NOTUM: variants seen among roughly 807,000 people sequenced by gnomAD.
The protein encoded by NOTUM is palmitoleoyl-protein carboxylesterase NOTUM.
A neutral mutation model predicts 65.5 loss-of-function variants in NOTUM; 36 were observed. The ratio of observed to expected loss-of-function variants is 0.55; its 90% CI spans 0.42 to 0.73. The LOEUF (loss-of-function observed/expected upper bound fraction) is 0.73, where lower values mean the gene tolerates loss of function less well. NOTUM is among the 30% of genes least tolerant of loss of function. NOTUM has a pLI of 0.00. For synonymous variants in NOTUM, 356 were observed against 297.9 expected, an observed-to-expected ratio of 1.20 and a Z score of -2.01; for missense variants, 659 against 694.2, an observed-to-expected ratio of 0.95 and a Z score of 0.57.
rs2041465014 is a variant in NOTUM at position 81,960,315 on chromosome 17, C to T, written c.323+272G>A. Among the ~76,000 whole-genome samples, 1 of 152,220 alleles carries T rather than the reference C, an allele frequency of 6.6e-6. No homozygotes were observed. The highest frequency in any genetic ancestry group is 2.1e-4 in the South Asian group (1 of 4,836). On this transcript the variant is annotated intron_variant, in intron 1 of 10. Coordinates refer to ENST00000409678, the MANE Select transcript of NOTUM (RefSeq NM_178493.6). This position sits in a 1 kb window ranked among gnomAD's most constrained non-coding sequence, Gnocchi z 6.4. ...CAGGCGCGCTCTCGGGCTGCCATCTCCCCGCCCCGGGACCGAAGGACGCCA... is the reference window on the plus strand; with the variant it reads ...CAGGCGCGCTCTCGGGCTGCCATCTTCCCGCCCCGGGACCGAAGGACGCCA...
chr17:81,952,988 C>A lies in NOTUM; in HGVS notation c.1464G>T (p.Leu488=). ...AGCTTCCGTTGCTCAGCATCCCCAG[C>A]AGCTCACTGGGCTCCAGTCCCTGCG... ...AQPQGLEPSE[L]LGMLSNGS is the part of the protein sequence containing the mutation. The change falls in exon 11 of 11, where the codon CTG becomes CTT. Residue 488 remains leucine, a synonymous_variant. Transcript: ENST00000409678. 6.2e-7 allele frequency: 1 copy of A among 1,613,956 alleles called. No individual in the cohort carries two copies.
intron 4 of NOTUM, 111 bp from the exon 5 acceptor site, chr17:81,958,504 C>T: frequency 5.4e-6 from 4 of 742,086 alleles, no homozygotes; most frequent in Non-Finnish European, 9.5e-6. Context: ...CAGGATTCCC[C>T]TGGAAGGACC....
chr17:81,960,304 G>A lies in NOTUM; in HGVS notation c.323+283C>T, dbSNP rs1322767333. Among the ~76,000 whole-genome samples the A allele has an allele frequency of 2.0e-5, 3 of 152,160 alleles. No homozygotes were observed. Among genetic ancestry groups the A allele is most frequent in the South Asian group, 2.1e-4 (1 of 4,832 alleles). Reference sequence around the variant, plus strand: ...CCCGCTGGAGCCAGGCGCGCTCTCGGGCTGCCATCTCCCCGCCCCGGGACC... The same window carrying A: ...CCCGCTGGAGCCAGGCGCGCTCTCGAGCTGCCATCTCCCCGCCCCGGGACC... On this transcript the variant is annotated intron_variant, in intron 1 of 10. Transcript: ENST00000409678. This position sits in a 1 kb window ranked among gnomAD's most constrained non-coding sequence, Gnocchi z 6.4.
At position 81,960,497 on chromosome 17, in the gene NOTUM, G is replaced by T; in HGVS notation, c.323+90C>A. ...CGCCCGACGGAAGCCCTTTCTCCCC[G>T]GGGAGAGAACGGCCGCGGCCCGCAG... On this transcript the variant is annotated intron_variant, in intron 1 of 10. Coordinates refer to ENST00000409678, the MANE Select transcript of NOTUM (RefSeq NM_178493.6). The surrounding 1 kb of genome is among the most constrained non-coding windows in gnomAD (Gnocchi z 6.4). The T allele has an allele frequency of 1.1e-6, 1 of 947,232 alleles. No individual in the cohort carries two copies. Among genetic ancestry groups the T allele is most frequent in the Non-Finnish European group, 1.5e-6 (1 of 671,662 alleles). The allele number at this position is 947,232 out of a possible 1,614,324, so 58.7% of individuals were successfully genotyped here.
At chr17:81,959,803 G>C in intron 1 of NOTUM, 111 bp from the exon 2 acceptor site, 1 of 506,150 alleles carries the variant, frequency 2.0e-6, no homozygotes, top group Non-Finnish European at 2.9e-6. Flanking sequence ...CGCGCGCGAC[G>C]GTCGCACGGG....
Position 81,960,465 on chromosome 17 carries a change from C to G in NOTUM, c.323+122G>C. ...ACCGGGCACTCCTCGGGGCCAGGAC[C>G]GCGGGGCGCCCGACGGAAGCCCTTT... On this transcript the variant is annotated intron_variant, in intron 1 of 10. Coordinates refer to ENST00000409678, the MANE Select transcript of NOTUM (RefSeq NM_178493.6). This position sits in a 1 kb window ranked among gnomAD's most constrained non-coding sequence, Gnocchi z 6.4. 1 of 681,502 alleles carries G rather than the reference C, an allele frequency of 1.5e-6. No homozygotes were observed. The highest frequency in any genetic ancestry group is 3.3e-5 in the Admixed American group (1 of 29,982). 42.2% of individuals were successfully genotyped at this position (681,502 alleles called of 1,614,324 possible).
In NOTUM at chr17:81,956,914, C is replaced by T. The variant is rs370368298; in HGVS notation, c.856G>A (p.Ala286Thr). The change falls in exon 7 of 11, where the codon GCG (alanine) becomes ACG (threonine). Residue 286 changes from alanine (A) to threonine (T), a missense_variant. By Grantham distance (58) the Ala-to-Thr change is moderately conservative. Transcript: ENST00000409678. ...HTDCVDTITC[A>T]PTEAIRRGIR... is the part of the protein sequence containing the mutation. ...CCACGGCGGATGGCCTCCGTGGGCG[C>T]GCACGTGATCGTGTCGACGCAGTCT... is the stretch of plus-strand genomic sequence containing the variant. The T allele has an allele frequency of 4.4e-5, 71 of 1,612,074 alleles. No individual in the cohort carries two copies. Among genetic ancestry groups the T allele is most frequent in the East Asian group, 2.9e-4 (13 of 44,888 alleles).
intron 3 of NOTUM, 88 bp downstream of exon 3, chr17:81,959,383 G>C: frequency 2.0e-6 from 2 of 1,021,450 alleles, no homozygotes; most frequent in Non-Finnish European, 1.4e-6. Context: ...GATGTGCGGG[G>C]TGGGGGCCTG....
Position 81,953,231 on chromosome 17 carries a change from C to A in NOTUM, c.1221G>T (p.Leu407=). Residue 407 remains leucine, a synonymous_variant, in exon 11 of 11, where the codon CTG becomes CTT. Transcript: ENST00000409678. ...WTDVQVKGTS[L]PRALHCWDRS... is the part of the protein sequence containing the mutation. ...TGTCCCAGCAGTGCAGTGCTCGGGG[C>A]AGCGACGTCCCCTTCACCTGGACAT... 6.2e-7 allele frequency: 1 copy of A among 1,611,554 alleles called. No individual in the cohort carries two copies. Among genetic ancestry groups the A allele is most frequent in the Non-Finnish European group, 8.5e-7 (1 of 1,179,532 alleles).
In NOTUM at chr17:81,952,928, C is replaced by T. The variant is rs967954229; in HGVS notation, c.*33G>A. The T allele has an allele frequency of 2.5e-6, 4 of 1,597,578 alleles. No homozygotes were observed. The highest frequency in any genetic ancestry group is 3.4e-6 in the Non-Finnish European group (4 of 1,167,246). On this transcript the variant is annotated 3_prime_UTR_variant, in exon 11 of 11. Coordinates refer to ENST00000409678, the MANE Select transcript of NOTUM (RefSeq NM_178493.6). ...CACTGGGGCAGCGGGTGTCTGGGCC[C>T]CTCAGTGCCGGCTCCTCCTCCAGAC...
chr17:81,957,985 A>C (rs1368814737), intron 5 of NOTUM, 77 bp from the exon 6 acceptor site: 6 of 1,125,786 alleles, frequency 5.3e-6, no homozygotes, highest in Non-Finnish European at 5.2e-6. Flanking sequence ...TGGCTGGCAG[A>C]GAAGTTCTTG....
rs541714628 is a variant in NOTUM at position 81,957,925 on chromosome 17, G to A, written c.593-17C>T. On this transcript the variant is annotated splice_polypyrimidine_tract_variant and intron_variant, in intron 5 of 10. Coordinates refer to ENST00000409678, the MANE Select transcript of NOTUM (RefSeq NM_178493.6). Reference sequence around the variant, plus strand: ...CGTACTCGTCTGCAAGAGGGAGGGGGTGGCCTCAGGTAGGGGCCTGGACAG... The same window carrying A: ...CGTACTCGTCTGCAAGAGGGAGGGGATGGCCTCAGGTAGGGGCCTGGACAG... 11 of 1,561,120 alleles carry A rather than the reference G, an allele frequency of 7.0e-6. No homozygotes were observed. The highest frequency in any genetic ancestry group is 1.4e-5 in the African/African-American group (1 of 73,608).
At position 81,960,946 on chromosome 17, in the gene NOTUM, G is replaced by A; in HGVS notation, c.-37C>T. The stretch of plus-strand genomic sequence containing the variant: ...CCTGCGGGGAGCGGGCGGCCTTGAG[G>A]CGGCGGCGGCGGCGGCGGGGGATGC... On this transcript the variant is annotated 5_prime_UTR_variant, in exon 1 of 11. Transcript: ENST00000409678. This position sits in a 1 kb window ranked among gnomAD's most constrained non-coding sequence, Gnocchi z 6.4. 9.5e-7 allele frequency: 1 copy of A among 1,058,038 alleles called. No individual in the cohort carries two copies. Among genetic ancestry groups the A allele is most frequent in the East Asian group, 3.9e-5 (1 of 25,564 alleles). The allele number at this position is 1,058,038 out of a possible 1,614,324, so 65.5% of individuals were successfully genotyped here.
Position 81,960,719 on chromosome 17 carries a change from T to A in NOTUM, c.191A>T (p.Asp64Val). ...LDFTAVEGNM[D>V]SFMAQVKSLA... The stretch of plus-strand genomic sequence containing the variant: ...GCTCTTGACTTGCGCCATGAAGCTG[T>A]CCATGTTACCCTCCACGGCCGTGAA... Residue 64 changes from aspartate (D) to valine (V), a missense_variant, in exon 1 of 11, where the codon GAC becomes GTC. Asp to Val is a radical substitution (Grantham distance 152). Transcript: ENST00000409678. This position sits in a 1 kb window ranked among gnomAD's most constrained non-coding sequence, Gnocchi z 6.4. The A allele has an allele frequency of 6.2e-7, 1 of 1,603,844 alleles. No homozygotes were observed. Among genetic ancestry groups the A allele is most frequent in the South Asian group, 1.1e-5 (1 of 89,392 alleles).
chr17:81,955,017 G>T (rs1324843124), intron 9 of NOTUM, among the ~76,000 whole-genome samples: 6 of 150,442 alleles, frequency 4.0e-5, no homozygotes, highest in African/African-American at 9.8e-5. Flanking sequence ...GTCTTACTCC[G>T]TCACCCAGGC....
intron 3 of NOTUM, 196 bp from the exon 4 acceptor site, chr17:81,959,191 A>G (rs2041455577): frequency 8.0e-6 from 5 of 624,724 alleles, no homozygotes; most frequent in Admixed American, 2.6e-5. Context: ...CACCATGGCC[A>G]CGGTGCCCGG....
At chr17:81,958,859 A>T in intron 4 of NOTUM, 76 bp downstream of exon 4, 4 of 1,110,796 alleles carry the variant, frequency 3.6e-6, no homozygotes, top group Non-Finnish European at 5.5e-6. Context: ...TCAGAATATG[A>T]CTTCCCAAGG....
Position 81,957,819 on chromosome 17 carries a change from G to A in NOTUM, c.682C>T (p.Leu228=), listed in dbSNP as rs376198338. The A allele has an allele frequency of 1.1e-5, 17 of 1,603,552 alleles. No individual in the cohort carries two copies. In the African/African-American group the frequency reaches 1.9e-4, roughly 18 times the overall value. The change falls in exon 6 of 11, where the codon CTG becomes TTG. Residue 228 remains leucine (L), a synonymous_variant. Coordinates refer to ENST00000409678, the MANE Select transcript of NOTUM (RefSeq NM_178493.6). ...CGCCCTGCCCACCTGCTCCCGGCCA[G>A]CAGCAGCACCTTGGCCCCGCTCAGC... The part of the protein sequence containing the change: ...RGLSGAKVLL[L]AGSSAGGTGV...
In NOTUM at chr17:81,960,717, T is replaced by G. The variant is rs199885659; in HGVS notation, c.193A>C (p.Ser65Arg). The G allele has an allele frequency of 1.5e-4, 234 of 1,604,110 alleles. 2 individuals are homozygous for G. Among genetic ancestry groups the G allele is most frequent in the Non-Finnish European group, 1.7e-5 (20 of 1,176,034 alleles). ...AGGCTCTTGACTTGCGCCATGAAGCTGTCCATGTTACCCTCCACGGCCGTG... is the reference window on the plus strand; with the variant it reads ...AGGCTCTTGACTTGCGCCATGAAGCGGTCCATGTTACCCTCCACGGCCGTG... ...DFTAVEGNMDSFMAQVKSLAQ... is the reference protein window; with the variant it reads ...DFTAVEGNMDRFMAQVKSLAQ... Residue 65 changes from serine to arginine, a missense_variant, in exon 1 of 11, where the codon AGC becomes CGC. Coordinates refer to ENST00000409678, the MANE Select transcript of NOTUM (RefSeq NM_178493.6). The surrounding 1 kb of genome is among the most constrained non-coding windows in gnomAD (Gnocchi z 6.4).
Sources: gnomAD v4.1 joint callset for allele counts (sites outside exome capture counted in the v4.1 genomes callset) on GRCh38, gnomAD v4.1.1 for gene constraint, Gnocchi (gnomAD v3.1) non-coding constraint, MANE v1.5 for transcripts, NCBI Gene and HGNC (gene_info 2026-07-23, HGNC 2026-07-21) for gene names.